Variants in PPARG observed in about 807,000 individuals in gnomAD.
PPARG encodes peroxisome proliferator activated receptor gamma, also known as peroxisome proliferator-activated receptor gamma.
Under a neutral mutation model 39.2 loss-of-function variants are expected in PPARG, and 17 were observed. The ratio of observed to expected loss-of-function variants is 0.43; its 90% CI spans 0.30 to 0.65. The LOEUF is 0.65. Among genes scored for constraint, PPARG ranks in the 30% least tolerant of loss-of-function variants. PPARG has a pLI of 0.13. For synonymous variants in PPARG, 223 were observed against 215.7 expected, an observed-to-expected ratio of 1.03 and a Z score of -0.30; for missense variants, 406 against 585.9, an observed-to-expected ratio of 0.69 and a Z score of 3.17.
intron 6 of PPARG, among the ~76,000 whole-genome samples, chr3:12,409,395 G>C (rs965714594): frequency 2.0e-5 from 3 of 150,076 alleles, no homozygotes; most frequent in African/African-American, 7.3e-5. Flanking sequence ...GAAAGAAACA[G>C]TTCAGAGAGG....
At chr3:12,370,146 A>T (rs1242417050) in intron 2 of PPARG, among the ~76,000 whole-genome samples, 1 of 151,978 alleles carries the variant, frequency 6.6e-6, no homozygotes, top group African/African-American at 2.4e-5. Flanking sequence ...CTCATACTTG[A>T]TGGACGATTT....
rs139154644 is a variant in PPARG at position 12,350,707 on chromosome 3, T to C, written c.-8-28997T>C. On this transcript the variant is annotated intron_variant, in intron 2 of 7. Coordinates refer to ENST00000651735, the MANE Select transcript of PPARG (RefSeq NM_138711.6). ...GCCAACCTAACAGCGTAAGTCTATT[T>C]TTTTCTGGTGGTGTGTTATTCTTCT... is the stretch of plus-strand genomic sequence containing the variant. Among the ~76,000 whole-genome samples, 628 of 152,320 alleles carry C rather than the reference T, an allele frequency of 4.1e-3. 3 individuals carry two copies. Among genetic ancestry groups the C allele is most frequent in the Non-Finnish European group, 6.7e-3 (458 of 68,024 alleles).
chr3:12,310,455 G>A (rs1411419500), intron 1 of PPARG, among the ~76,000 whole-genome samples: 1 of 121,428 alleles, frequency 8.2e-6, no homozygotes, highest in Admixed American at 1.0e-4. Context: ...ACGTATTTGA[G>A]CCCTTTTTTT....
intron 2 of PPARG, among the ~76,000 whole-genome samples, chr3:12,378,949 A>G (rs1051678165): frequency 1.3e-5 from 2 of 152,128 alleles, no homozygotes; most frequent in Non-Finnish European, 1.5e-5. Context: ...AAAACATCAC[A>G]TTGAATACCT....
chr3:12,344,159 C>T (rs932970289), intron 2 of PPARG, among the ~76,000 whole-genome samples: 3 of 152,084 alleles, frequency 2.0e-5, no homozygotes, highest in Admixed American at 2.0e-4. Flanking sequence ...CCACGCCCAG[C>T]CAATCTCACA....
At chr3:12,335,871 A>C (rs78410965) in intron 2 of PPARG, among the ~76,000 whole-genome samples, 3,180 of 152,020 alleles carry the variant, frequency 0.021, 107 homozygotes, top group African/African-American at 0.073. Flanking sequence ...GCACTGACCT[A>C]GTTTCTAGTT....
At chr3:12,371,140 A>G (rs1325647432) in intron 2 of PPARG, among the ~76,000 whole-genome samples, 3 of 152,178 alleles carry the variant, frequency 2.0e-5, no homozygotes, top group Non-Finnish European at 4.4e-5. Context: ...ATCCAGCCCT[A>G]TGGTAAGTGC....
intron 2 of PPARG, among the ~76,000 whole-genome samples, chr3:12,350,037 A>G (rs1367005348): frequency 2.0e-5 from 3 of 152,224 alleles, no homozygotes; most frequent in Non-Finnish European, 4.4e-5. Flanking sequence ...AGAGACTGGT[A>G]TAGGACTTGA....
At chr3:12,327,296 A>G (rs993509411) in intron 2 of PPARG, among the ~76,000 whole-genome samples, 2 of 152,226 alleles carry the variant, frequency 1.3e-5, no homozygotes, top group Non-Finnish European at 2.9e-5. Flanking sequence ...TTTTCAAACC[A>G]TCTATAAATT....
chr3:12,299,033 G>A (rs34914033), intron 1 of PPARG, among the ~76,000 whole-genome samples: 43,220 of 151,734 alleles, frequency 0.28, 6,356 homozygotes, highest in East Asian at 0.49. Flanking sequence ...ACAGGGGTTC[G>A]CCGTATTGCC....
At chr3:12,295,897 G>T (rs1002596957) in intron 1 of PPARG, among the ~76,000 whole-genome samples, 1 of 152,070 alleles carries the variant, frequency 6.6e-6, no homozygotes, top group South Asian at 2.1e-4. Flanking sequence ...TTGAAGGCAG[G>T]TACTGACTGA....
At chr3:12,397,113 T>C (rs1194114260) in intron 5 of PPARG, among the ~76,000 whole-genome samples, 1 of 152,046 alleles carries the variant, frequency 6.6e-6, no homozygotes, top group Admixed American at 6.5e-5. Context: ...TTAAAAACTA[T>C]TGAAATCTTA....
chr3:12,383,752 G>A (rs2049770903), intron 4 of PPARG, among the ~76,000 whole-genome samples: 1 of 152,130 alleles, frequency 6.6e-6, no homozygotes, highest in African/African-American at 2.4e-5. Flanking sequence ...AGCTGAAAAT[G>A]GAAAGACAAG....
At chr3:12,315,576 A>G (rs2047367338) in intron 2 of PPARG, among the ~76,000 whole-genome samples, 1 of 152,232 alleles carries the variant, frequency 6.6e-6, no homozygotes, top group South Asian at 2.1e-4. Flanking sequence ...TCGCTAATTT[A>G]TAGAGGAAGA....
intron 2 of PPARG, chr3:12,328,132 G>A (rs2047746617): frequency 7.7e-7 from 1 of 1,292,928 alleles, no homozygotes; most frequent in Non-Finnish European, 1.1e-6. Flanking sequence ...GTCCAAGGAA[G>A]CAATTCACAA....
intron 3 of PPARG, among the ~76,000 whole-genome samples, chr3:12,381,052 A>G (rs2049632814): frequency 6.6e-6 from 1 of 152,170 alleles, no homozygotes; most frequent in African/African-American, 2.4e-5. Context: ...CAGCTGTAGT[A>G]TTGCAGGCTA....
intron 7 of PPARG, among the ~76,000 whole-genome samples, chr3:12,418,976 C>T (rs1237651318): frequency 6.6e-6 from 1 of 152,156 alleles, no homozygotes; most frequent in African/African-American, 2.4e-5. Flanking sequence ...CGAAGTCTCA[C>T]TCTTGTTGCC....
At chr3:12,310,791 TAAAAAAAAAA>T (rs761238501) in intron 1 of PPARG, among the ~76,000 whole-genome samples, 115 of 50,360 alleles carry the variant, frequency 2.3e-3, no homozygotes, top group African/African-American at 8.0e-3. Flanking sequence ...GCCTTAAATG[TAAAAAAAAAA>T]AAAAAAAAAA....
chr3:12,382,530 T>C (rs2125180891), intron 4 of PPARG, among the ~76,000 whole-genome samples: 1 of 152,338 alleles, frequency 6.6e-6, no homozygotes, highest in South Asian at 2.1e-4. Flanking sequence ...TTAGGAAAGT[T>C]TTAGGACATC....
Sources: allele counts gnomAD v4.1 joint callset (sites outside exome capture counted in the v4.1 genomes callset), GRCh38; gene constraint gnomAD v4.1.1; transcripts MANE v1.5; gene names NCBI Gene and HGNC (gene_info 2026-07-23, HGNC 2026-07-21).